Variants in USP22 observed in about 807,000 individuals in gnomAD.
USP22 encodes ubiquitin carboxyl-terminal hydrolase 22.
In USP22, 22 loss-of-function variants were observed where a neutral mutation model predicts 68.1. The ratio of observed to expected loss-of-function variants is 0.32; its 90% confidence interval spans 0.23 to 0.46. The LOEUF (loss-of-function observed/expected upper bound fraction) is 0.46, where lower values mean the gene tolerates loss of function less well. USP22 is among the 20% of genes least tolerant of loss of function. USP22 has a pLI of 1.00. For synonymous variants in USP22, 279 were observed against 274.2 expected (o/e 1.02, Z -0.17); for missense variants, 433 against 695.8 (o/e 0.62, Z 4.25).
chr17:21,043,096 G>C (rs1337730220), upstream of USP22: 2 of 170,882 alleles, frequency 1.2e-5, no homozygotes, highest in African/African-American at 2.6e-5. Context: ...GGGGCGGGGC[G>C]CCGCGGCCGC....
chr17:21,015,669 A>G, intron 6 of USP22, 83 bp downstream of exon 6: 1 of 1,466,260 alleles, frequency 6.8e-7, no homozygotes, highest in Non-Finnish European at 9.0e-7. Context: ...CCCTTTTTGC[A>G]CGAGTGCATA....
chr17:21,019,608 C>T (rs1169568414), intron 3 of USP22, among the ~76,000 whole-genome samples: 2 of 152,146 alleles, frequency 1.3e-5, no homozygotes, highest in South Asian at 2.1e-4. Context: ...ATAAACTCAG[C>T]GTCGAGTTAC....
intron 7 of USP22, 93 bp from the exon 8 acceptor site, chr17:21,011,402 CCG>C: frequency 6.8e-7 from 1 of 1,465,978 alleles, no homozygotes; most frequent in Non-Finnish European, 9.2e-7. Context: ...CATCCCTTCC[CCG>C]CTGTGCCCTT....
At chr17:21,043,303 C>CCCCCCCCCCCCG (rs1972474329), upstream of USP22, 8 of 53,672 alleles carry the variant, frequency 1.5e-4, no homozygotes, top group South Asian at 8.6e-4. Flanking sequence ...TAGGCCACCC[C>CCCCCCCCCCCCG]CCCCCCCCCC....
chr17:21,004,416 C>T (rs1913707644), intron 11 of USP22, 65 bp from the exon 12 acceptor site: 2 of 1,586,688 alleles, frequency 1.3e-6, no homozygotes, highest in Non-Finnish European at 8.6e-7. Context: ...AGGTCATCAC[C>T]ATCAGAAACC....
chr17:21,033,752 A>AC (rs1238907732), intron 1 of USP22, among the ~76,000 whole-genome samples: 19 of 130,680 alleles, frequency 1.5e-4, no homozygotes, highest in Admixed American at 1.4e-3. Context: ...GGACAGGTAT[A>AC]ATTTTTTTTT....
At chr17:21,042,629 C>G in intron 1 of USP22, 36 bp downstream of exon 1, 1 of 1,259,800 alleles carries the variant, frequency 7.9e-7, no homozygotes, top group Non-Finnish European at 1.0e-6. Context: ...CGGCAGAAGG[C>G]CCCGAGCCCG....
chr17:21,008,040 G>A lies in USP22; in HGVS notation c.1104-44C>T, dbSNP rs758354397. 5 of 1,589,384 alleles carry A rather than the reference G, an allele frequency of 3.1e-6. 1 individual carries two copies. The highest frequency in any genetic ancestry group is 3.5e-5 in the Admixed American group (2 of 56,956). On this transcript the variant is annotated intron_variant, in intron 8 of 12. Transcript: ENST00000261497. ...GACAGGAGCGGTAAGGGAGATGCAA[G>A]AGACAGAAAAATGAGAGGAAAGAGG...
At chr17:21,031,936 C>T (rs1158153370) in intron 1 of USP22, among the ~76,000 whole-genome samples, 1 of 152,240 alleles carries the variant, frequency 6.6e-6, no homozygotes, top group Non-Finnish European at 1.5e-5. Flanking sequence ...GCGCTAAATA[C>T]AGAAAACAGC....
intron 6 of USP22, 60 bp from the exon 7 acceptor site, chr17:21,012,995 G>T: frequency 6.5e-7 from 1 of 1,544,078 alleles, no homozygotes; most frequent in Non-Finnish European, 8.9e-7. Context: ...GTCTCTAAGG[G>T]AAGAGCAGTT....
Position 21,002,997 on chromosome 17 carries a change from T to C in USP22, c.*34A>G. On this transcript the variant is annotated 3_prime_UTR_variant, in exon 13 of 13. Coordinates refer to ENST00000261497, the MANE Select transcript of USP22 (RefSeq NM_015276.2). ...TCACTTTGTGAGGCTTGCCAATGCA[T>C]TGCCTTTGTTTTTCTGACCAGCTGC... 14 of 1,612,030 alleles carry C rather than the reference T, an allele frequency of 8.7e-6. No individual in the cohort carries two copies. The highest frequency in any genetic ancestry group is 1.2e-5 in the Non-Finnish European group (14 of 1,179,068).
intron 6 of USP22, among the ~76,000 whole-genome samples, chr17:21,014,042 C>A (rs915064259): frequency 6.6e-6 from 1 of 152,218 alleles, no homozygotes; most frequent in Non-Finnish European, 1.5e-5. Context: ...CCACTGCACT[C>A]CAGCCTGGCG....
chr17:21,032,877 C>T (rs1383046076), intron 1 of USP22, among the ~76,000 whole-genome samples: 2 of 138,868 alleles, frequency 1.4e-5, no homozygotes, highest in Admixed American at 7.8e-5. Context: ...GAGCCAAGAT[C>T]GCACCACTGC....
chr17:21,031,304 A>G (rs959455546), intron 1 of USP22, among the ~76,000 whole-genome samples: 1 of 152,264 alleles, frequency 6.6e-6, no homozygotes, highest in Admixed American at 6.5e-5. Context: ...AAACTATACT[A>G]CAGTTAATTG....
intron 5 of USP22, 50 bp from the exon 6 acceptor site, chr17:21,015,949 G>A: frequency 1.3e-6 from 2 of 1,597,496 alleles, no homozygotes; most frequent in Non-Finnish European, 1.7e-6. Flanking sequence ...TGTAGACTCT[G>A]AACACAGAGT....
At chr17:21,023,548 G>A (rs1972182395) in intron 2 of USP22, among the ~76,000 whole-genome samples, 1 of 150,800 alleles carries the variant, frequency 6.6e-6, no homozygotes, top group Admixed American at 6.7e-5. Flanking sequence ...AAGAGGCTTA[G>A]GTGGAAGGAT....
chr17:21,019,315 G>C, intron 3 of USP22, 130 bp from the exon 4 acceptor site: 1 of 842,408 alleles, frequency 1.2e-6, no homozygotes, highest in Non-Finnish European at 2.0e-6. Context: ...ACAGCACCAG[G>C]GCTTTCTCAA....
chr17:21,036,096 T>C (rs2364328), intron 1 of USP22, among the ~76,000 whole-genome samples: 109,744 of 147,090 alleles, frequency 0.75, 41,438 homozygotes, highest in South Asian at 0.82. Context: ...CAATGGATAT[T>C]GCTAGACAAA....
chr17:21,020,376 G>C (rs1343950415), intron 3 of USP22, among the ~76,000 whole-genome samples: 2 of 152,078 alleles, frequency 1.3e-5, no homozygotes, highest in Admixed American at 1.3e-4. Context: ...GTGGCCACAC[G>C]GTGGCGACGG....
Sources: gnomAD v4.1 joint callset for allele counts (sites outside exome capture counted in the v4.1 genomes callset) on GRCh38, gnomAD v4.1.1 for gene constraint, MANE v1.5 for transcripts, NCBI Gene and HGNC (gene_info 2026-07-23, HGNC 2026-07-21) for gene names.